The following PLEKHA6 variants were observed in gnomAD, a reference collection of about 807,000 sequenced individuals.
PLEKHA6 encodes pleckstrin homology domain containing A6.
Under a neutral mutation model 116.7 loss-of-function variants are expected in PLEKHA6, and 60 were observed. That is an observed-to-expected ratio of 0.51 (90% CI 0.42 to 0.64). The LOEUF (loss-of-function observed/expected upper bound fraction) is 0.64. Ranked by LOEUF, PLEKHA6 falls within the 30% of genes least tolerant of loss-of-function variation. PLEKHA6 has a pLI of 0.00. For synonymous variants in PLEKHA6, 489 were observed against 556.1 expected (o/e 0.88, Z 1.70); for missense variants, 1,338 against 1,422.7 (o/e 0.94, Z 0.96).
At chr1:204,347,475 C>T (rs895035933) in intron 1 of PLEKHA6, among the ~76,000 whole-genome samples, 8 of 150,932 alleles carry the variant, frequency 5.3e-5, no homozygotes, top group African/African-American at 1.2e-4. Flanking sequence ...GTGCAGTTAA[C>T]GCAATTATCA....
At chr1:204,250,726 C>T (rs1664439970) in intron 9 of PLEKHA6, 112 bp from the exon 10 acceptor site, 1 of 769,432 alleles carries the variant, frequency 1.3e-6, no homozygotes, top group Non-Finnish European at 2.3e-6. Flanking sequence ...TGGTCCGTCA[C>T]CTCTGGTAGC....
chr1:204,332,967 T>C lies in PLEKHA6; in HGVS notation c.-95+26727A>G, dbSNP rs78343057. On this transcript the variant is annotated intron_variant, in intron 1 of 22. Transcript: ENST00000272203. ...GAAAAGACGCTCTATAAATGCAGAG[T>C]ATCATTATCATAAACGAAAGTTCCT... Among the ~76,000 whole-genome samples, 6 of 152,168 alleles carry C rather than the reference T, an allele frequency of 3.9e-5. No homozygotes were observed. The East Asian group carries it at 1.2e-3, about 29-fold the overall frequency.
Position 204,229,038 on chromosome 1 carries a change from C to G in PLEKHA6, c.2650G>C (p.Glu884Gln). The change falls in exon 19 of 23, where the codon GAG becomes CAG. Residue 884 changes from glutamate (E) to glutamine (Q), a missense_variant. Physicochemically the swap from Glu to Gln is conservative, Grantham distance 29. This residue lies in a region of PLEKHA6 where 1,136 missense variants were observed against 1,163.6 expected (regional missense o/e 0.98). Coordinates refer to ENST00000272203, the MANE Select transcript of PLEKHA6 (RefSeq NM_014935.5). ...GTCTCGTAGGCATGCCCGCCAGGCT[C>G]CTCTGCCCGCAGGGCTGCCTCCAGG... ...SNLEAALRAEEPGGHAYETPR... is the reference protein window; with the variant it reads ...SNLEAALRAEQPGGHAYETPR... 6.2e-7 allele frequency: 1 copy of G among 1,614,178 alleles called. No homozygotes were observed. Among genetic ancestry groups the G allele is most frequent in the Non-Finnish European group, 8.5e-7 (1 of 1,180,028 alleles).
intron 1 of PLEKHA6, among the ~76,000 whole-genome samples, chr1:204,323,117 T>TA (rs1483816839): frequency 6.6e-6 from 1 of 152,274 alleles, no homozygotes; most frequent in Non-Finnish European, 1.5e-5. Flanking sequence ...ATTAACTGTG[T>TA]ATCTACTATG....
intron 1 of PLEKHA6, chr1:204,313,520 C>G: frequency 1.0e-6 from 1 of 971,616 alleles, no homozygotes; most frequent in South Asian, 4.8e-5. Flanking sequence ...AGAGCTCACA[C>G]AAGATGTTAC....
intron 3 of PLEKHA6, among the ~76,000 whole-genome samples, chr1:204,366,589 C>A (rs955324453): frequency 4.6e-5 from 7 of 151,960 alleles, no homozygotes; most frequent in Admixed American, 2.6e-4. Flanking sequence ...GACAAAACCC[C>A]ATCTTGACCA....
intron 1 of PLEKHA6, among the ~76,000 whole-genome samples, chr1:204,317,888 G>A (rs558566613): frequency 1.3e-5 from 2 of 152,278 alleles, no homozygotes; most frequent in East Asian, 3.9e-4. Context: ...CATTTTAAAA[G>A]GAGGACAATA....
chr1:204,261,646 T>C lies in PLEKHA6; in HGVS notation c.382-198A>G, dbSNP rs1359067745. 3.4e-5 allele frequency: 20 copies of C among 592,640 alleles called. No individual in the cohort carries two copies. Among genetic ancestry groups the C allele is most frequent in the Non-Finnish European group, 2.7e-5 (9 of 339,310 alleles). 36.7% of individuals were successfully genotyped at this position (592,640 alleles called of 1,614,324 possible). On this transcript the variant is annotated intron_variant, in intron 6 of 22. Coordinates refer to ENST00000272203, the MANE Select transcript of PLEKHA6 (RefSeq NM_014935.5). The surrounding 1 kb of genome is among the most constrained non-coding windows in gnomAD (Gnocchi z 4.0). ...CAGCTACCCCGAGGGTTCCAGCTGG[T>C]ACCCACGTATCCACCTTGGCTGGCT...
At chr1:204,279,494 T>A (rs2102948566) in intron 1 of PLEKHA6, among the ~76,000 whole-genome samples, 1 of 152,354 alleles carries the variant, frequency 6.6e-6, no homozygotes, top group East Asian at 1.9e-4. Flanking sequence ...TTTCTCCTTC[T>A]TCTCTCCTTC....
intron 1 of PLEKHA6, among the ~76,000 whole-genome samples, chr1:204,339,578 C>G (rs906946288): frequency 6.6e-6 from 1 of 152,148 alleles, no homozygotes; most frequent in African/African-American, 2.4e-5. Context: ...TCCATTCTTC[C>G]CAACAGGATC....
chr1:204,359,718 G>T lies in PLEKHA6; in HGVS notation c.-119C>A, dbSNP rs918434726. 1.5e-5 allele frequency: 15 copies of T among 976,056 alleles called. No homozygotes were observed. Among genetic ancestry groups the T allele is most frequent in the African/African-American group, 1.8e-5 (1 of 57,044 alleles). The allele number at this position is 976,056 out of a possible 1,614,324, so 60.5% of individuals were successfully genotyped here. ...CCGGCTTCTGAGGTGTGATCCCCGC[G>T]CTGGAAAGCTCTAACTCTGCGAGCC... On this transcript the variant is annotated 5_prime_UTR_variant, in exon 1 of 23. Coordinates refer to ENST00000272203, the MANE Select transcript of PLEKHA6 (RefSeq NM_014935.5).
chr1:204,250,524 G>A (rs1314325045), intron 10 of PLEKHA6, 22 bp downstream of exon 10: 1 of 1,582,972 alleles, frequency 6.3e-7, no homozygotes, highest in South Asian at 1.1e-5. Flanking sequence ...TGGAGGGAGG[G>A]AGCAGGGGGC....
intron 14 of PLEKHA6, 128 bp downstream of exon 14, chr1:204,245,487 G>C: frequency 1.6e-6 from 1 of 633,232 alleles, no homozygotes; most frequent in Non-Finnish European, 2.8e-6. Context: ...GAAGATTCTG[G>C]TGTCCCAAGA....
Position 204,250,682 on chromosome 1 carries a change from C to G in PLEKHA6, c.1525-68G>C. ...AGGGTATGCAGGGATAGGAAGCTAA[C>G]ATCACAATCCCGCTGTGCTCCTGCC... is the stretch of plus-strand genomic sequence containing the variant. On this transcript the variant is annotated intron_variant, in intron 9 of 22. Coordinates refer to ENST00000272203, the MANE Select transcript of PLEKHA6 (RefSeq NM_014935.5). 2 of 1,042,282 alleles carry G rather than the reference C, an allele frequency of 1.9e-6. 1 individual carries two copies. The highest frequency in any genetic ancestry group is 3.5e-5 in the Admixed American group (2 of 57,110). The allele number at this position is 1,042,282 out of a possible 1,614,324, so 64.6% of individuals were successfully genotyped here.
Position 204,259,807 on chromosome 1 carries a change from A to C in PLEKHA6, c.525-67T>G, listed in dbSNP as rs889758524. The C allele has an allele frequency of 2.9e-5, 43 of 1,502,402 alleles. No individual in the cohort carries two copies. Among genetic ancestry groups the C allele is most frequent in the Non-Finnish European group, 3.5e-5 (39 of 1,123,678 alleles). The allele number at this position is 1,502,402 out of a possible 1,614,324, so 93.1% of individuals were successfully genotyped here. ...AGCATGGAGTGGGGCAGGGGGTGCCAGACTGGGAAGAAGAGGAGTGGGGAA... is the reference window on the plus strand; with the variant it reads ...AGCATGGAGTGGGGCAGGGGGTGCCCGACTGGGAAGAAGAGGAGTGGGGAA... On this transcript the variant is annotated intron_variant, in intron 7 of 22. Coordinates refer to ENST00000272203, the MANE Select transcript of PLEKHA6 (RefSeq NM_014935.5). The surrounding 1 kb of genome is among the most constrained non-coding windows in gnomAD (Gnocchi z 4.6).
rs112386911 is a variant in PLEKHA6 at position 204,257,313 on chromosome 1, C to A, written c.1524+40G>T. The A allele has an allele frequency of 1.4e-5, 22 of 1,542,274 alleles. No individual in the cohort carries two copies. The highest frequency in any genetic ancestry group is 1.1e-4 in the African/African-American group (8 of 73,118). ...GTAGATGGTCTTAGGCTTCTGGGGA[C>A]CTCAGGGGATGAGGAAGGAAGGGCA... On this transcript the variant is annotated intron_variant, in intron 9 of 22. Transcript: ENST00000272203. This position sits in a 1 kb window ranked among gnomAD's most constrained non-coding sequence, Gnocchi z 6.5.
intron 5 of PLEKHA6, among the ~76,000 whole-genome samples, chr1:204,267,232 G>T (rs4951339): frequency 6.6e-6 from 1 of 152,056 alleles, no homozygotes; most frequent in African/African-American, 2.4e-5. Context: ...CCAGTGTATC[G>T]CTGGAACTCT....
In PLEKHA6 at chr1:204,371,390, G is replaced by A. The variant is rs2103414896; in HGVS notation, c.160+140C>T. Reference sequence around the variant, plus strand: ...AGCCTGCAATCTCCCCCAGATGGCAGGCAGTCCAAATGCTAAGCTGAGTCC... The same window carrying A: ...AGCCTGCAATCTCCCCCAGATGGCAAGCAGTCCAAATGCTAAGCTGAGTCC... On this transcript the variant is annotated intron_variant, in intron 2 of 4. Transcript: ENST00000564627. 3 of 152,352 alleles carry A rather than the reference G, an allele frequency of 2.0e-5. No individual in the cohort carries two copies. In the South Asian group the frequency reaches 6.2e-4, roughly 32 times the overall value. The allele number at this position is 152,352 out of a possible 1,614,324, so 9.4% of individuals were successfully genotyped here.
intron 1 of PLEKHA6, among the ~76,000 whole-genome samples, chr1:204,284,256 G>C (rs988038233): frequency 6.6e-6 from 1 of 152,168 alleles, no homozygotes; most frequent in South Asian, 2.1e-4. Flanking sequence ...GCACAGCAAG[G>C]GTTGAGGGGC....
Sources: allele counts gnomAD v4.1 joint callset (sites outside exome capture counted in the v4.1 genomes callset), GRCh38; gene constraint gnomAD v4.1.1; regional missense constraint gnomAD v4.1.1; non-coding constraint Gnocchi (gnomAD v3.1); transcripts MANE v1.5; gene names NCBI Gene and HGNC (gene_info 2026-07-23, HGNC 2026-07-21).